The following CD302 variants were observed in gnomAD, a reference collection of about 807,000 sequenced individuals.
CD302 encodes CD302 molecule.
A neutral mutation model predicts 26.5 loss-of-function variants in CD302; 23 were observed. The observed-to-expected ratio is 0.87, with a 90% CI of 0.62 to 1.23. The LOEUF (loss-of-function observed/expected upper bound fraction) is 1.23, where lower values mean the gene tolerates loss of function less well. Among genes scored for constraint, CD302 ranks in the 50% most tolerant of loss-of-function variants. The probability of loss-of-function intolerance (pLI) is 0.00; values close to 1 mark genes in which losing one functional copy is unlikely to be tolerated. For missense variants in CD302, 290 were observed against 275.5 expected (o/e 1.05, Z -0.37); for synonymous variants, 90 against 99.4 (o/e 0.91, Z 0.56).
Position 159,770,244 on chromosome 2 carries a change from A to G in CD302, c.*1607T>C, listed in dbSNP as rs1043366932. ...TTAGTAATAGTCTATCAATAATAAA[A>G]TAGACATCTCAATCACTATACAAAA... On this transcript the variant is annotated 3_prime_UTR_variant, in exon 6 of 6. Coordinates refer to ENST00000259053, the MANE Select transcript of CD302 (RefSeq NM_014880.5). The G allele has an allele frequency of 2.0e-5, 3 of 152,238 alleles. No homozygotes were observed. Among genetic ancestry groups the G allele is most frequent in the Non-Finnish European group, 2.9e-5 (2 of 68,046 alleles). The allele number at this position is 152,238 out of a possible 1,614,324, so 9.4% of individuals were successfully genotyped here.
At chr2:159,781,392 AAAAT>A (rs879641169) in intron 2 of CD302, 233 of 76,216 alleles carry the variant, frequency 3.1e-3, no homozygotes, top group Non-Finnish European at 6.7e-3. Context: ...CTACCAAAAA[AAAAT>A]AAAATAAAAT....
At chr2:159,794,596 T>C (rs1310913346) in intron 1 of CD302, among the ~76,000 whole-genome samples, 3 of 151,880 alleles carry the variant, frequency 2.0e-5, no homozygotes, top group Non-Finnish European at 2.9e-5. Context: ...TCGCCCAGGC[T>C]GGAGTGCAGT....
intron 1 of CD302, among the ~76,000 whole-genome samples, chr2:159,791,134 T>C (rs186650238): frequency 1.3e-3 from 199 of 152,328 alleles, no homozygotes; most frequent in African/African-American, 4.5e-3. Context: ...CTGTGACTCC[T>C]TTGAACATCT....
At chr2:159,798,090 C>T in intron 1 of CD302, 42 bp downstream of exon 1, 1 of 1,482,450 alleles carries the variant, frequency 6.7e-7, no homozygotes. Flanking sequence ...GGGGCGAAGG[C>T]GGTCGCGCAC....
intron 4 of CD302, 151 bp downstream of exon 4, chr2:159,779,854 C>T: frequency 9.0e-6 from 8 of 889,692 alleles, no homozygotes; most frequent in Non-Finnish European, 1.3e-5. Context: ...TCCAGTGCCT[C>T]AGTTTACCAT....
In CD302 at chr2:159,776,030, T is replaced by TTTTTTTTTTTTTTTA. The variant is rs55987429; in HGVS notation, c.496+1907_496+1908insTAAAAAAAAAAAAAA. On this transcript the variant is annotated intron_variant, in intron 5 of 5. Coordinates refer to ENST00000259053, the MANE Select transcript of CD302 (RefSeq NM_014880.5). ...GTTTCAACTTTTTTTTTTTTTTTTT[T>TTTTTTTTTTTTTTTA]AAAGTAGAGTCGGGATTTCGCCATG... Among the ~76,000 whole-genome samples the TTTTTTTTTTTTTTTA allele has an allele frequency of 3.6e-4, 52 of 146,324 alleles. 1 individual carries two copies. The South Asian group carries it at 5.2e-3, about 15-fold the overall frequency.
At chr2:159,798,030 T>G (rs1682522642) in intron 1 of CD302, 102 bp downstream of exon 1, 2 of 1,158,938 alleles carry the variant, frequency 1.7e-6, no homozygotes, top group Non-Finnish European at 2.4e-6. Context: ...GGGTGTTGCG[T>G]CTGCGGGCCG....
intron 5 of CD302, among the ~76,000 whole-genome samples, chr2:159,777,547 AAAG>A (rs1224143433): frequency 1.3e-5 from 2 of 152,262 alleles, no homozygotes; most frequent in African/African-American, 4.8e-5. Flanking sequence ...CATAGGTCCA[AAAG>A]AAGATGTGGG....
chr2:159,797,524 T>G (rs1682487590), intron 1 of CD302, among the ~76,000 whole-genome samples: 1 of 152,208 alleles, frequency 6.6e-6, no homozygotes, highest in African/African-American at 2.4e-5. Context: ...AACAGCAGAC[T>G]AGAACTTTAA....
intron 2 of CD302, among the ~76,000 whole-genome samples, chr2:159,781,753 T>A (rs1226596603): frequency 6.6e-6 from 1 of 152,216 alleles, no homozygotes; most frequent in Non-Finnish European, 1.5e-5. Flanking sequence ...ATGTTGGAAA[T>A]TTCGTCTTGT....
intron 1 of CD302, among the ~76,000 whole-genome samples, chr2:159,796,509 T>C (rs1380260232): frequency 6.6e-6 from 1 of 152,192 alleles, no homozygotes; most frequent in African/African-American, 2.4e-5. Context: ...AATAGCCCCA[T>C]GAGTAAGTAT....
chr2:159,777,844 A>G lies in CD302; in HGVS notation c.496+94T>C, dbSNP rs1477547499. ...AAATTGTTCTACTTTATATTACATAATTTTAAAAAGGGATCTGTAATGTAT... is the reference window on the plus strand; with the variant it reads ...AAATTGTTCTACTTTATATTACATAGTTTTAAAAAGGGATCTGTAATGTAT... On this transcript the variant is annotated intron_variant, in intron 5 of 5. Coordinates refer to ENST00000259053, the MANE Select transcript of CD302 (RefSeq NM_014880.5). 4 of 619,072 alleles carry G rather than the reference A, an allele frequency of 6.5e-6. No individual in the cohort carries two copies. In the Admixed American group the frequency reaches 1.5e-4, roughly 23 times the overall value. 38.3% of individuals were successfully genotyped at this position (619,072 alleles called of 1,614,324 possible).
At chr2:159,789,996 A>T (rs1708766502) in intron 1 of CD302, among the ~76,000 whole-genome samples, 1 of 152,138 alleles carries the variant, frequency 6.6e-6, no homozygotes, top group Non-Finnish European at 1.5e-5. Context: ...TCTTAATGGG[A>T]GTGTTAGTCT....
At chr2:159,793,164 A>C (rs1324234614) in intron 1 of CD302, among the ~76,000 whole-genome samples, 1 of 152,182 alleles carries the variant, frequency 6.6e-6, no homozygotes, top group African/African-American at 2.4e-5. Flanking sequence ...GTCCTGAATG[A>C]TAGGTTGTTA....
chr2:159,773,473 T>C (rs879597254), intron 5 of CD302, among the ~76,000 whole-genome samples: 32 of 152,238 alleles, frequency 2.1e-4, no homozygotes, highest in Non-Finnish European at 4.1e-4. Context: ...GATAGTAATA[T>C]AGAAAAGTCT....
In CD302 at chr2:159,770,126, A is replaced by T. The variant is rs1560037269; in HGVS notation, c.*1725T>A. The T allele has an allele frequency of 6.6e-6, 1 of 151,692 alleles. No individual in the cohort carries two copies. Among genetic ancestry groups the T allele is most frequent in the Non-Finnish European group, 1.5e-5 (1 of 67,930 alleles). 9.4% of individuals were successfully genotyped at this position (151,692 alleles called of 1,614,324 possible). A position where few individuals can be genotyped will look rare whatever the true frequency, so the allele number is the denominator to read the frequency against. ...TCTTTTAGTTCACATAATACGCCAT[A>T]TTTTTTTTACTGTGCCTGTAGTTCT... On this transcript the variant is annotated 3_prime_UTR_variant, in exon 6 of 6. Coordinates refer to ENST00000259053, the MANE Select transcript of CD302 (RefSeq NM_014880.5).
In CD302 at chr2:159,777,970, A is replaced by G. The variant is rs768520348; in HGVS notation, c.470-6T>C. On this transcript the variant is annotated splice_polypyrimidine_tract_variant and splice_region_variant and intron_variant, in intron 4 of 5. Coordinates refer to ENST00000259053, the MANE Select transcript of CD302 (RefSeq NM_014880.5). The stretch of plus-strand genomic sequence containing the variant: ...ATATTTCCTTTTGTATGGGACTAAA[A>G]TACAAAAGAAAATAAAAATTAGAAT... 25 of 948,964 alleles carry G rather than the reference A, an allele frequency of 2.6e-5. No homozygotes were observed. The African/African-American group carries it at 2.9e-4, about 11-fold the overall frequency. 58.8% of individuals were successfully genotyped at this position (948,964 alleles called of 1,614,324 possible).
At chr2:159,780,329 G>T in intron 3 of CD302, 151 bp from the exon 4 acceptor site, 1 of 901,266 alleles carries the variant, frequency 1.1e-6, no homozygotes, top group Non-Finnish European at 1.6e-6. Flanking sequence ...AATATATCCT[G>T]TGTACAGCCA....
chr2:159,783,520 C>T, intron 1 of CD302, 51 bp from the exon 2 acceptor site: 2 of 1,405,310 alleles, frequency 1.4e-6, no homozygotes, highest in Non-Finnish European at 1.9e-6. Context: ...AAAAGAATTA[C>T]ATGAATTCCC....
Sources: gnomAD v4.1 joint callset for allele counts (sites outside exome capture counted in the v4.1 genomes callset) on GRCh38, gnomAD v4.1.1 for gene constraint, MANE v1.5 for transcripts, NCBI Gene and HGNC (gene_info 2026-07-23, HGNC 2026-07-21) for gene names.